The following ZRANB3 variants were observed in gnomAD, a reference collection of about 807,000 sequenced individuals.
The protein encoded by ZRANB3 is zinc finger RANBP2-type containing 3, also known as DNA annealing helicase and endonuclease ZRANB3.
Under a neutral mutation model 133.8 loss-of-function variants are expected in ZRANB3, and 125 were observed. That is an observed-to-expected ratio of 0.93 (90% confidence interval 0.81 to 1.08). ZRANB3 has a LOEUF of 1.08. Ranked by LOEUF, ZRANB3 falls within the 50% of genes least tolerant of loss-of-function variation. The pLI, the probability that ZRANB3 is intolerant of heterozygous loss-of-function variation, is 0.00. For missense variants in ZRANB3, 1,229 were observed against 1,275.5 expected, an observed-to-expected ratio of 0.96 and a Z score of 0.56; for synonymous variants, 387 against 432.7, an observed-to-expected ratio of 0.89 and a Z score of 1.31.
At chr2:135,386,709 G>A (rs1558961375) in intron 3 of ZRANB3, among the ~76,000 whole-genome samples, 2 of 152,100 alleles carry the variant, frequency 1.3e-5, no homozygotes, top group Admixed American at 6.6e-5. Flanking sequence ...GGATGAAGCT[G>A]GAAACCATAA....
Position 135,275,574 on chromosome 2 carries a change from G to A in ZRANB3, c.1086+62C>T. ...ACACCTCAACTATGAGACTACAACTGATGTTTAGTATAGTAAAAATATGCA... is the reference window on the plus strand; with the variant it reads ...ACACCTCAACTATGAGACTACAACTAATGTTTAGTATAGTAAAAATATGCA... On this transcript the variant is annotated intron_variant, in intron 9 of 20. Transcript: ENST00000264159. 9 of 1,378,522 alleles carry A rather than the reference G, an allele frequency of 6.5e-6. No individual in the cohort carries two copies. In the South Asian group the frequency reaches 1.6e-4, roughly 25 times the overall value. The allele number at this position is 1,378,522 out of a possible 1,614,324, so 85.4% of individuals were successfully genotyped here.
chr2:135,288,909 T>TG (rs1491538063), intron 8 of ZRANB3, among the ~76,000 whole-genome samples: 2 of 149,806 alleles, frequency 1.3e-5, no homozygotes, highest in South Asian at 2.1e-4. Context: ...TGTGTGTGTG[T>TG]TGTTTCAATT....
At chr2:135,296,081 T>A (rs1477359772) in intron 8 of ZRANB3, among the ~76,000 whole-genome samples, 1 of 152,188 alleles carries the variant, frequency 6.6e-6, no homozygotes, top group African/African-American at 2.4e-5. Context: ...TCGAGGAGCA[T>A]CTTTGTGGCG....
chr2:135,238,511 T>C (rs1695408993), intron 12 of ZRANB3, among the ~76,000 whole-genome samples: 1 of 151,784 alleles, frequency 6.6e-6, no homozygotes, highest in African/African-American at 2.4e-5. Context: ...TTACAGGTGT[T>C]CACTATCACG....
At chr2:135,519,970 G>C (rs191460979) in intron 1 of ZRANB3, among the ~76,000 whole-genome samples, 2 of 152,072 alleles carry the variant, frequency 1.3e-5, no homozygotes, top group African/African-American at 4.8e-5. Flanking sequence ...TAAAGGCTGT[G>C]AACCGGAGGT....
intron 3 of ZRANB3, among the ~76,000 whole-genome samples, chr2:135,388,719 C>T (rs980931418): frequency 1.4e-4 from 21 of 152,108 alleles, no homozygotes; most frequent in African/African-American, 3.6e-4. Context: ...GGACTAAAAA[C>T]GTAAGCCTCT....
intron 8 of ZRANB3, among the ~76,000 whole-genome samples, chr2:135,312,350 C>A (rs72982361): frequency 0.023 from 3,441 of 151,818 alleles, 145 homozygotes; most frequent in African/African-American, 0.08. Flanking sequence ...TGCACACTAC[C>A]ATGTCTGGAC....
intron 2 of ZRANB3, among the ~76,000 whole-genome samples, chr2:135,475,446 T>A (rs1691462428): frequency 6.6e-6 from 1 of 152,238 alleles, no homozygotes; most frequent in Non-Finnish European, 1.5e-5. Context: ...TTCTTGACTA[T>A]ATCTTTTGAA....
chr2:135,404,033 C>A (rs975616934), intron 2 of ZRANB3, among the ~76,000 whole-genome samples: 10 of 152,292 alleles, frequency 6.6e-5, no homozygotes, highest in South Asian at 2.1e-4. Context: ...GAAACTCTAA[C>A]AATCAGAGCG....
chr2:135,305,300 T>C (rs1682628913), intron 8 of ZRANB3, among the ~76,000 whole-genome samples: 1 of 152,236 alleles, frequency 6.6e-6, no homozygotes, highest in Admixed American at 6.5e-5. Context: ...TTCTGATAAG[T>C]ATAGCTATTC....
At chr2:135,303,845 G>A (rs926360350) in intron 8 of ZRANB3, among the ~76,000 whole-genome samples, 3 of 152,058 alleles carry the variant, frequency 2.0e-5, no homozygotes, top group Admixed American at 2.0e-4. Flanking sequence ...GTAGTTTTCA[G>A]TACATATTTT....
rs948408625 is a variant in ZRANB3, at chr2:135,307,832, A to G, written c.966+5657T>C. On this transcript the variant is annotated intron_variant, in intron 8 of 20. Transcript: ENST00000264159. Reference sequence around the variant, plus strand: ...AGTTCTGTTTAGGTTCTCTTGTTACATTTACCTTTGGAGCACCATGAACCT... The same window carrying G: ...AGTTCTGTTTAGGTTCTCTTGTTACGTTTACCTTTGGAGCACCATGAACCT... Among the ~76,000 whole-genome samples the G allele has an allele frequency of 2.6e-5, 4 of 152,050 alleles. No homozygotes were observed. In the East Asian group the frequency reaches 7.7e-4, roughly 29 times the overall value.
At position 135,353,748 on chromosome 2, in the gene ZRANB3, C is replaced by T. The variant is rs1241710458; in HGVS notation, c.181-120G>A. 9.2e-6 allele frequency: 6 copies of T among 651,860 alleles called. No homozygotes were observed. In the East Asian group the frequency reaches 1.2e-4, roughly 13 times the overall value. 40.4% of individuals were successfully genotyped at this position (651,860 alleles called of 1,614,324 possible). A position where few individuals can be genotyped will look rare whatever the true frequency, so the allele number is the denominator to read the frequency against. Reference sequence around the variant, plus strand: ...GGGTGTGATGGCTCATGACTGTAATCCCAGCACTTTGGGAGGCTGATGCAG... The same window carrying T: ...GGGTGTGATGGCTCATGACTGTAATTCCAGCACTTTGGGAGGCTGATGCAG... On this transcript the variant is annotated intron_variant, in intron 3 of 20. Transcript: ENST00000264159.
At chr2:135,255,101 T>G (rs2105099765) in intron 12 of ZRANB3, among the ~76,000 whole-genome samples, 1 of 152,146 alleles carries the variant, frequency 6.6e-6, no homozygotes, top group South Asian at 2.1e-4. Flanking sequence ...CATTAGGCAA[T>G]GTTAAATAAA....
At chr2:135,272,438 G>T (rs1195252415) in intron 9 of ZRANB3, among the ~76,000 whole-genome samples, 1 of 86,898 alleles carries the variant, frequency 1.2e-5, no homozygotes, top group Non-Finnish European at 1.8e-5. Flanking sequence ...TTTTTGTGAC[G>T]GAGTCTTGCT....
chr2:135,507,247 G>A (rs1693228745), intron 1 of ZRANB3, among the ~76,000 whole-genome samples: 1 of 151,932 alleles, frequency 6.6e-6, no homozygotes, highest in Non-Finnish European at 1.5e-5. Flanking sequence ...AAATTGGGTA[G>A]AAAAAAAATC....
intron 12 of ZRANB3, among the ~76,000 whole-genome samples, chr2:135,244,150 G>A (rs1238727671): frequency 1.3e-5 from 2 of 149,830 alleles, no homozygotes; most frequent in African/African-American, 2.5e-5. Flanking sequence ...TAAAACAAAA[G>A]GAATCTTCCC....
In ZRANB3 at chr2:135,529,672, C is replaced by G. The variant is rs559438609; in HGVS notation, c.-8+1455G>C. On this transcript the variant is annotated intron_variant, in intron 1 of 20. Coordinates refer to ENST00000264159, the MANE Select transcript of ZRANB3 (RefSeq NM_032143.4). ...TACAGATCTCTGCCACCACGTCCGGCTAATGTGTGTGTGTGAGTTTTTAGC... is the reference window on the plus strand; with the variant it reads ...TACAGATCTCTGCCACCACGTCCGGGTAATGTGTGTGTGTGAGTTTTTAGC... Among the ~76,000 whole-genome samples, 6 of 151,854 alleles carry G rather than the reference C, an allele frequency of 4.0e-5. No individual in the cohort carries two copies. In the East Asian group the frequency reaches 1.2e-3, roughly 30 times the overall value.
In ZRANB3 at chr2:135,315,410, G is replaced by C. The variant is rs1299038253; in HGVS notation, c.798C>G (p.Pro266=). The C allele has an allele frequency of 6.2e-7, 1 of 1,605,336 alleles. No homozygotes were observed. The change falls in exon 7 of 21, where the codon CCC becomes CCG. Residue 266 remains proline (P), a synonymous_variant. Coordinates refer to ENST00000264159, the MANE Select transcript of ZRANB3 (RefSeq NM_032143.4). The stretch of plus-strand genomic sequence containing the variant: ...ATGGAATACGCTGTCTGACTTTAGG[G>C]GGTAGCTGGGTTAAAACTTCAGTCT... ...RLKTEVLTQL[P]PKVRQRIPFD...
Sources: gnomAD v4.1 joint callset for allele counts (sites outside exome capture counted in the v4.1 genomes callset) on GRCh38, gnomAD v4.1.1 for gene constraint, MANE v1.5 for transcripts, NCBI Gene and HGNC (gene_info 2026-07-23, HGNC 2026-07-21) for gene names.